GLG1: variants seen among roughly 807,000 people sequenced by gnomAD.
The protein encoded by GLG1 is golgi glycoprotein 1.
In GLG1, 38 loss-of-function variants were observed where a neutral mutation model predicts 160.5. The ratio of observed to expected loss-of-function variants is 0.24; its 90% CI spans 0.18 to 0.31. The LOEUF (loss-of-function observed/expected upper bound fraction) is 0.31. Among genes scored for constraint, GLG1 ranks in the 10% least tolerant of loss-of-function variants. GLG1 has a pLI of 1.00. For synonymous variants in GLG1, 644 were observed against 543.4 expected, an observed-to-expected ratio of 1.19 and a Z score of -2.57; for missense variants, 1,373 against 1,505.2, an observed-to-expected ratio of 0.91 and a Z score of 1.45.
chr16:74,538,907 T>G (rs1032466990), intron 1 of GLG1, among the ~76,000 whole-genome samples: 7 of 151,342 alleles, frequency 4.6e-5, no homozygotes, highest in African/African-American at 1.7e-4. Context: ...ATAAAGTCAG[T>G]CAGAGAAAGT....
At chr16:74,477,977 A>AAAATAAATAAATAAAT (rs140504819) in intron 11 of GLG1, among the ~76,000 whole-genome samples, 7,454 of 139,976 alleles carry the variant, frequency 0.053, 249 homozygotes, top group Middle Eastern at 0.067. Context: ...CCGTCTCAAA[A>AAAATAAATAAATAAAT]AAATAAATAA....
At chr16:74,501,056 G>A (rs2016386541) in intron 4 of GLG1, among the ~76,000 whole-genome samples, 2 of 152,188 alleles carry the variant, frequency 1.3e-5, no homozygotes, top group South Asian at 4.1e-4. Flanking sequence ...AGCTTCAGTG[G>A]CAGCAAATTT....
chr16:74,545,058 G>T (rs2018009459), intron 1 of GLG1, among the ~76,000 whole-genome samples: 1 of 151,872 alleles, frequency 6.6e-6, no homozygotes, highest in South Asian at 2.1e-4. Context: ...GCTACAGGAA[G>T]GCAACTTCGG....
intron 2 of GLG1, among the ~76,000 whole-genome samples, chr16:74,512,506 G>C (rs1247809850): frequency 6.6e-6 from 1 of 152,002 alleles, no homozygotes; most frequent in Non-Finnish European, 1.5e-5. Flanking sequence ...CTCGTGATCT[G>C]CTGGCTTCCA....
intron 10 of GLG1, among the ~76,000 whole-genome samples, chr16:74,481,062 G>A: frequency 6.6e-6 from 1 of 152,116 alleles, no homozygotes; most frequent in Non-Finnish European, 1.5e-5. Flanking sequence ...GCCACCACCA[G>A]GCAATTCACA....
At chr16:74,459,863 T>C (rs1370437871) in intron 22 of GLG1, 74 bp from the exon 23 acceptor site, 4 of 788,116 alleles carry the variant, frequency 5.1e-6, no homozygotes, top group Admixed American at 5.9e-5. Context: ...TCTTTTTTTT[T>C]TTTATTTTTT....
intron 1 of GLG1, among the ~76,000 whole-genome samples, chr16:74,604,229 G>C (rs902353265): frequency 7.9e-5 from 12 of 152,108 alleles, no homozygotes; most frequent in Non-Finnish European, 1.3e-4. Context: ...AGTTCCATAA[G>C]GTTCCAAAAA....
chr16:74,540,533 C>T (rs2017832740), intron 1 of GLG1, among the ~76,000 whole-genome samples: 1 of 151,518 alleles, frequency 6.6e-6, no homozygotes, highest in Admixed American at 6.6e-5. Flanking sequence ...CTGGGACTGC[C>T]TAACATTTAA....
chr16:74,521,125 C>A (rs1046426029), intron 2 of GLG1, among the ~76,000 whole-genome samples: 1 of 152,056 alleles, frequency 6.6e-6, no homozygotes, highest in Non-Finnish European at 1.5e-5. Context: ...GCAAAAGTCC[C>A]GAGTCAGGAA....
Position 74,494,743 on chromosome 16 carries a change from T to C in GLG1, c.1050+17A>G. ...AAAAACAAATAAAACATTCATTAGT[T>C]TCAAAATAATACTTACCTTTTCACT... On this transcript the variant is annotated intron_variant, in intron 6 of 25. Coordinates refer to ENST00000422840, the MANE Select transcript of GLG1 (RefSeq NM_001145667.2). 8.7e-7 allele frequency: 1 copy of C among 1,146,284 alleles called. No homozygotes were observed. Among genetic ancestry groups the C allele is most frequent in the Non-Finnish European group, 1.3e-6 (1 of 755,084 alleles). The allele number at this position is 1,146,284 out of a possible 1,614,324, so 71.0% of individuals were successfully genotyped here.
intron 1 of GLG1, among the ~76,000 whole-genome samples, chr16:74,554,657 C>A (rs1408509643): frequency 6.6e-6 from 1 of 152,044 alleles, no homozygotes; most frequent in Non-Finnish European, 1.5e-5. Flanking sequence ...AATGAACAGC[C>A]AAGAAAAGAA....
intron 3 of GLG1, among the ~76,000 whole-genome samples, chr16:74,507,660 C>T (rs1597283962): frequency 1.3e-5 from 2 of 151,880 alleles, no homozygotes; most frequent in South Asian, 2.1e-4. Flanking sequence ...TGCTTGAACC[C>T]AGGAGGCAGA....
At chr16:74,542,742 G>GAAGGAAGGAAGGAAGGA (rs2017919256) in intron 1 of GLG1, among the ~76,000 whole-genome samples, 2 of 6,910 alleles carry the variant, frequency 2.9e-4, no homozygotes, top group Admixed American at 8.5e-4. Flanking sequence ...AGGGAGGAAG[G>GAAGGAAGGAAGGAAGGA]AAGGAAGGAA....
At chr16:74,462,319 A>G (rs940323617) in intron 21 of GLG1, 124 bp from the exon 22 acceptor site, 6 of 817,302 alleles carry the variant, frequency 7.3e-6, no homozygotes, top group Non-Finnish European at 1.0e-5. Flanking sequence ...AAAAAGAACA[A>G]GAAAAAACAA....
intron 6 of GLG1, 21 bp from the exon 7 acceptor site, chr16:74,493,161 C>G: frequency 3.2e-6 from 5 of 1,569,992 alleles, no homozygotes; most frequent in Admixed American, 1.8e-5. Flanking sequence ...AGTACAGCAA[C>G]AGCCGTGAGA....
intron 1 of GLG1, among the ~76,000 whole-genome samples, chr16:74,599,637 G>A (rs1958391512): frequency 6.6e-6 from 1 of 152,174 alleles, no homozygotes; most frequent in Admixed American, 6.5e-5. Context: ...GGCCGAGGTG[G>A]GCAGATCACG....
intron 8 of GLG1, among the ~76,000 whole-genome samples, chr16:74,489,625 C>T (rs537359706): frequency 6.6e-6 from 1 of 152,314 alleles, no homozygotes; most frequent in East Asian, 1.9e-4. Context: ...AAGGAAGTCA[C>T]CAGTAACAAC....
chr16:74,468,070 A>C (rs2015064056), intron 17 of GLG1: 1 of 477,144 alleles, frequency 2.1e-6, no homozygotes, highest in Middle Eastern at 5.3e-4. Flanking sequence ...GTCTACCCTG[A>C]AACACCTTAT....
intron 1 of GLG1, among the ~76,000 whole-genome samples, chr16:74,556,078 A>G (rs973944458): frequency 1.3e-5 from 2 of 152,154 alleles, no homozygotes; most frequent in African/African-American, 4.8e-5. Context: ...GGCTCAAGCA[A>G]TGCTCCCACC....
Sources: gnomAD v4.1 joint callset for allele counts (sites outside exome capture counted in the v4.1 genomes callset) on GRCh38, gnomAD v4.1.1 for gene constraint, MANE v1.5 for transcripts, NCBI Gene and HGNC (gene_info 2026-07-23, HGNC 2026-07-21) for gene names.